CNTNAP2: variants seen among roughly 807,000 people sequenced by gnomAD.
CNTNAP2 encodes contactin-associated protein-like 2.
CNTNAP2 carries 98 observed loss-of-function variants against 155.2 expected under a neutral mutation model. That is an observed-to-expected ratio of 0.63 (90% CI 0.54 to 0.75). The LOEUF (loss-of-function observed/expected upper bound fraction) is 0.75, where lower values mean the gene tolerates loss of function less well. Ranked by LOEUF, CNTNAP2 falls within the 30% of genes least tolerant of loss-of-function variation. The probability of loss-of-function intolerance (pLI) is 0.00; values close to 1 mark genes in which losing one functional copy is unlikely to be tolerated. For synonymous variants in CNTNAP2, 651 were observed against 631.2 expected, an observed-to-expected ratio of 1.03 and a Z score of -0.47; for missense variants, 1,727 against 1,688.1, an observed-to-expected ratio of 1.02 and a Z score of -0.40.
intron 12 of CNTNAP2, among the ~76,000 whole-genome samples, chr7:147,620,919 A>T (rs762008735): frequency 3.3e-5 from 5 of 152,170 alleles, no homozygotes; most frequent in Admixed American, 6.5e-5. Context: ...CCCAAAGAAG[A>T]CTAGCTCAAG....
chr7:146,985,308 A>ATTTTTTTTTTTTT (rs71165057), intron 3 of CNTNAP2, among the ~76,000 whole-genome samples: 6 of 127,850 alleles, frequency 4.7e-5, no homozygotes, highest in African/African-American at 1.9e-4. Context: ...AAATGCTTGA[A>ATTTTTTTTTTTTT]TTTTTTTTTT....
intron 20 of CNTNAP2, among the ~76,000 whole-genome samples, chr7:148,264,443 G>C (rs1796630764): frequency 6.6e-6 from 1 of 151,358 alleles, no homozygotes; most frequent in Admixed American, 6.6e-5. Context: ...GAATTTTGTT[G>C]TATTTTTATC....
At chr7:147,136,787 A>G (rs1221127625) in intron 8 of CNTNAP2, among the ~76,000 whole-genome samples, 1 of 151,996 alleles carries the variant, frequency 6.6e-6, no homozygotes, top group Non-Finnish European at 1.5e-5. Context: ...ATCATATGAG[A>G]AAAAAGGTCT....
intron 20 of CNTNAP2, among the ~76,000 whole-genome samples, chr7:148,249,605 C>T (rs867998521): frequency 2.0e-5 from 3 of 152,168 alleles, no homozygotes; most frequent in African/African-American, 7.2e-5. Context: ...ATAAACACTC[C>T]GAACACAATA....
chr7:147,702,236 G>T (rs546923410), intron 13 of CNTNAP2, among the ~76,000 whole-genome samples: 2 of 151,814 alleles, frequency 1.3e-5, no homozygotes, highest in South Asian at 4.2e-4. Flanking sequence ...CAAGAGCTGG[G>T]GTTGCAGAAT....
At chr7:147,734,691 A>G (rs1796807486) in intron 13 of CNTNAP2, among the ~76,000 whole-genome samples, 2 of 152,208 alleles carry the variant, frequency 1.3e-5, no homozygotes, top group Non-Finnish European at 1.5e-5. Flanking sequence ...CCTCACTTTC[A>G]GAACCTGTTA....
chr7:146,985,704 G>A (rs1292341530), intron 3 of CNTNAP2, among the ~76,000 whole-genome samples: 2 of 152,034 alleles, frequency 1.3e-5, no homozygotes, highest in African/African-American at 4.8e-5. Flanking sequence ...CAACACAGTC[G>A]ATAAGTTTTT....
At chr7:147,376,215 G>A (rs540492427) in intron 9 of CNTNAP2, among the ~76,000 whole-genome samples, 14 of 152,026 alleles carry the variant, frequency 9.2e-5, no homozygotes, top group East Asian at 1.9e-4. Flanking sequence ...ATGATAACTC[G>A]GTAGTGAGAG....
At chr7:147,694,006 G>A (rs913271385) in intron 13 of CNTNAP2, among the ~76,000 whole-genome samples, 2 of 151,872 alleles carry the variant, frequency 1.3e-5, no homozygotes, top group African/African-American at 4.8e-5. Flanking sequence ...CAAGTAGGAA[G>A]CTCCCCTTTA....
At chr7:147,277,423 A>G (rs531415363) in intron 8 of CNTNAP2, among the ~76,000 whole-genome samples, 2 of 152,078 alleles carry the variant, frequency 1.3e-5, no homozygotes, top group South Asian at 2.1e-4. Context: ...ACAAAGCTAA[A>G]GACTAGATAA....
Position 148,247,663 on chromosome 7 carries a change from A to ATTTT in CNTNAP2, c.3381+17888_3381+17891dup, listed in dbSNP as rs1554407444. ...TATTTATTTATTTATTTATTTATTT[A>ATTTT]TTTTTTTGGAGATAGAGTCCCACTC... On this transcript the variant is annotated intron_variant, in intron 20 of 23. Coordinates refer to ENST00000361727, the MANE Select transcript of CNTNAP2 (RefSeq NM_014141.6). Among the ~76,000 whole-genome samples, 184 of 105,298 alleles carry ATTTT rather than the reference A, an allele frequency of 1.7e-3. 4 individuals carry two copies. The highest frequency in any genetic ancestry group is 2.1e-3 in the South Asian group (8 of 3,824). 69.1% of individuals were successfully genotyped at this position (105,298 alleles called of 152,430 possible). A position where few individuals can be genotyped will look rare whatever the true frequency, so the allele number is the denominator to read the frequency against.
intron 1 of CNTNAP2, among the ~76,000 whole-genome samples, chr7:146,233,893 C>CT (rs1227107510): frequency 2.8e-4 from 42 of 150,424 alleles, no homozygotes; most frequent in Admixed American, 6.7e-4. Context: ...GGTTCCAAGT[C>CT]TTTGCTATTG....
intron 8 of CNTNAP2, among the ~76,000 whole-genome samples, chr7:147,220,067 G>C (rs1278693128): frequency 6.6e-6 from 1 of 151,760 alleles, no homozygotes; most frequent in Admixed American, 6.6e-5. Flanking sequence ...GGGATTACAG[G>C]CGTGAACCAC....
intron 10 of CNTNAP2, among the ~76,000 whole-genome samples, chr7:147,464,604 G>T (rs2373132): frequency 1.3e-5 from 2 of 152,068 alleles, no homozygotes; most frequent in Non-Finnish European, 2.9e-5. Flanking sequence ...TAAAATAAAG[G>T]CATTAAATAA....
intron 12 of CNTNAP2, among the ~76,000 whole-genome samples, chr7:147,614,776 C>CTCCTGATTTAT (rs1801250205): frequency 1.9e-5 from 1 of 51,312 alleles, no homozygotes; most frequent in African/African-American, 1.0e-4. Context: ...AGTTCTTTTA[C>CTCCTGATTTAT]TCTTTTACAC....
intron 4 of CNTNAP2, among the ~76,000 whole-genome samples, chr7:147,098,279 C>T (rs1261275631): frequency 6.6e-6 from 1 of 152,168 alleles, no homozygotes; most frequent in Non-Finnish European, 1.5e-5. Context: ...AGCATTAAGT[C>T]TTTAATCTTC....
At chr7:146,457,315 T>C (rs1468950771) in intron 1 of CNTNAP2, among the ~76,000 whole-genome samples, 1 of 151,726 alleles carries the variant, frequency 6.6e-6, no homozygotes, top group African/African-American at 2.4e-5. Flanking sequence ...ATGATTGTTT[T>C]AGAAGCTGAG....
chr7:146,932,006 G>A (rs1399216272), intron 3 of CNTNAP2, among the ~76,000 whole-genome samples: 1 of 150,582 alleles, frequency 6.6e-6, no homozygotes, highest in Non-Finnish European at 1.5e-5. Flanking sequence ...TCTACCAGAG[G>A]TACAAGGAGG....
intron 8 of CNTNAP2, chr7:147,167,647 C>T (rs561606965): frequency 4.0e-6 from 2 of 502,578 alleles, no homozygotes; most frequent in South Asian, 2.7e-5. Context: ...ATCAGCGGAG[C>T]AGGGTATGGG....
Sources: allele counts gnomAD v4.1 joint callset (sites outside exome capture counted in the v4.1 genomes callset), GRCh38; gene constraint gnomAD v4.1.1; transcripts MANE v1.5; gene names NCBI Gene and HGNC (gene_info 2026-07-23, HGNC 2026-07-21).